The following CDK14 variants were observed in gnomAD, a reference collection of about 807,000 sequenced individuals.
CDK14 encodes the protein cyclin-dependent kinase 14.
A neutral mutation model predicts 60.7 loss-of-function variants in CDK14; 34 were observed. The ratio of observed to expected loss-of-function variants is 0.56; its 90% confidence interval spans 0.43 to 0.75. CDK14 has a LOEUF of 0.75. Ranked by LOEUF, CDK14 falls within the 30% of genes least tolerant of loss-of-function variation. The pLI is 0.00. For missense variants in CDK14, 482 were observed against 564.1 expected (o/e 0.85, Z 1.47); for synonymous variants, 197 against 203.7 (o/e 0.97, Z 0.28).
At chr7:90,750,625 C>A (rs1023285373) in intron 4 of CDK14, among the ~76,000 whole-genome samples, 8 of 152,312 alleles carry the variant, frequency 5.3e-5, no homozygotes, top group African/African-American at 1.4e-4. Context: ...GTAATCCCAG[C>A]ACTTTGGGAG....
chr7:90,875,541 T>A (rs1349726963), intron 6 of CDK14, among the ~76,000 whole-genome samples: 1 of 152,178 alleles, frequency 6.6e-6, no homozygotes, highest in East Asian at 1.9e-4. Context: ...TTTTTTTTAT[T>A]ATATTGGATG....
At position 91,201,620 on chromosome 7, in the gene CDK14, C is replaced by G. The variant is rs1353705944; in HGVS notation, c.*29-5545C>G. Among the ~76,000 whole-genome samples the G allele has an allele frequency of 1.3e-5, 2 of 152,054 alleles. 1 individual carries two copies. Among genetic ancestry groups the G allele is most frequent in the South Asian group, 4.2e-4 (2 of 4,818 alleles). On this transcript the variant is annotated intron_variant, in intron 14 of 14. Coordinates refer to ENST00000380050, the MANE Select transcript of CDK14 (RefSeq NM_001287135.2). Reference sequence around the variant, plus strand: ...TGAAACACAGACCACCTGATCACATCGAAGCACACTGAGTGGGGGTCCTCA... The same window carrying G: ...TGAAACACAGACCACCTGATCACATGGAAGCACACTGAGTGGGGGTCCTCA...
At chr7:90,628,220 G>T (rs748649261) in intron 2 of CDK14, among the ~76,000 whole-genome samples, 1 of 152,172 alleles carries the variant, frequency 6.6e-6, no homozygotes, top group Non-Finnish European at 1.5e-5. Flanking sequence ...GCCTCCCAAA[G>T]TGTTGGGATT....
intron 12 of CDK14, among the ~76,000 whole-genome samples, chr7:91,098,814 G>A (rs1047147087): frequency 2.0e-5 from 3 of 152,122 alleles, no homozygotes; most frequent in Non-Finnish European, 4.4e-5. Context: ...CATTCTTCCT[G>A]TAGGAGTCAG....
rs555302875 is a variant in CDK14 at position 90,772,042 on chromosome 7, T to G, written c.465-18531T>G. ...ACAGATGGACTTTTGGGATAGAGAT[T>G]TGTTGTCAGGACATGGAGGGTCTTC... is the stretch of plus-strand genomic sequence containing the variant. On this transcript the variant is annotated intron_variant, in intron 4 of 14. Transcript: ENST00000380050. Among the ~76,000 whole-genome samples, 8 of 152,330 alleles carry G rather than the reference T, an allele frequency of 5.3e-5. No homozygotes were observed. In the South Asian group the frequency reaches 1.7e-3, roughly 32 times the overall value.
intron 10 of CDK14, among the ~76,000 whole-genome samples, chr7:90,995,013 C>G (rs1361927461): frequency 1.3e-5 from 2 of 152,208 alleles, no homozygotes; most frequent in Admixed American, 6.5e-5. Context: ...TGAGCAGCAT[C>G]TAAGATGGCT....
intron 11 of CDK14, among the ~76,000 whole-genome samples, chr7:91,070,719 A>G (rs1798114880): frequency 6.6e-6 from 1 of 152,126 alleles, no homozygotes; most frequent in Admixed American, 6.6e-5. Context: ...TGATTATGCC[A>G]TTGCACTCCA....
At chr7:91,163,655 G>C (rs1447566109) in intron 14 of CDK14, among the ~76,000 whole-genome samples, 1 of 152,054 alleles carries the variant, frequency 6.6e-6, no homozygotes, top group Non-Finnish European at 1.5e-5. Flanking sequence ...ACATAATACA[G>C]TATTATTGAC....
intron 1 of CDK14, among the ~76,000 whole-genome samples, chr7:90,598,879 T>C (rs1310458991): frequency 1.3e-5 from 2 of 150,626 alleles, no homozygotes; most frequent in African/African-American, 4.9e-5. Flanking sequence ...TAATTTTTTG[T>C]ATTTTTAGTA....
intron 3 of CDK14, among the ~76,000 whole-genome samples, chr7:90,733,444 T>C (rs976197406): frequency 6.6e-6 from 1 of 152,142 alleles, no homozygotes; most frequent in Non-Finnish European, 1.5e-5. Flanking sequence ...CTACTATTGT[T>C]TGGGAGTCTA....
chr7:90,989,931 A>G (rs1215723420), intron 10 of CDK14, among the ~76,000 whole-genome samples: 1 of 152,196 alleles, frequency 6.6e-6, no homozygotes, highest in Non-Finnish European at 1.5e-5. Context: ...ATTAAGCACT[A>G]AAGAAAGTAT....
intron 7 of CDK14, among the ~76,000 whole-genome samples, chr7:90,913,665 G>A (rs1792981484): frequency 6.6e-6 from 1 of 152,106 alleles, no homozygotes; most frequent in Admixed American, 6.5e-5. Flanking sequence ...ACGTCTGTTG[G>A]GCCTGCAGAG....
chr7:90,835,327 A>G (rs185777934), intron 5 of CDK14, among the ~76,000 whole-genome samples: 3 of 152,174 alleles, frequency 2.0e-5, no homozygotes, highest in Admixed American at 1.3e-4. Flanking sequence ...ACTTGAAGTC[A>G]AGGGAGAATT....
rs576096850 is a variant in CDK14 at position 90,787,609 on chromosome 7, A to G, written c.465-2964A>G. 1.1e-4 allele frequency among the ~76,000 whole-genome samples: 16 copies of G among 152,330 alleles called. No homozygotes were observed. In the East Asian group the frequency reaches 2.7e-3, roughly 26 times the overall value. On this transcript the variant is annotated intron_variant, in intron 4 of 14. Coordinates refer to ENST00000380050, the MANE Select transcript of CDK14 (RefSeq NM_001287135.2). ...ACCCAGTGAAATCTACTCTGTGCCA[A>G]GAAGGTCCTAGATACTGAGCACATA...
At chr7:90,759,193 C>G (rs1474449981) in intron 4 of CDK14, among the ~76,000 whole-genome samples, 1 of 152,084 alleles carries the variant, frequency 6.6e-6, no homozygotes, top group African/African-American at 2.4e-5. Flanking sequence ...AGTTTAGAAG[C>G]CACATCTTTG....
rs893311940 is a variant in CDK14, at chr7:90,809,728, CTAAT to C, written c.544+19077_544+19080del. 1.6e-4 allele frequency among the ~76,000 whole-genome samples: 24 copies of C among 151,978 alleles called. No homozygotes were observed. In the Middle Eastern group the frequency reaches 0.014, roughly 87 times the overall value. On this transcript the variant is annotated intron_variant, in intron 5 of 14. Transcript: ENST00000380050. Reference sequence around the variant, plus strand: ...CAAAATTGATAGACCGCTAGTAAGACTAATAAAGAAGAAAAGAGAGAAGAATCAA... The same window carrying C: ...CAAAATTGATAGACCGCTAGTAAGACAAAGAAGAAAAGAGAGAAGAATCAA...
chr7:90,772,857 AT>A (rs1429385658), intron 4 of CDK14, among the ~76,000 whole-genome samples: 3 of 152,220 alleles, frequency 2.0e-5, no homozygotes, highest in African/African-American at 7.2e-5. Context: ...ATGACCAATT[AT>A]TAAAGTTCTG....
rs972125763 is a variant in CDK14 at position 90,930,668 on chromosome 7, A to T, written c.826+12944A>T. Among the ~76,000 whole-genome samples the T allele has an allele frequency of 1.1e-4, 17 of 151,814 alleles. 1 individual carries two copies. Among genetic ancestry groups the T allele is most frequent in the African/African-American group, 4.1e-4 (17 of 41,262 alleles). ...ATCATAGAAATGTTTGATCTGCAGC[A>T]CTTGACATTAGATTGCTTTTAGGAA... On this transcript the variant is annotated intron_variant, in intron 8 of 14. Transcript: ENST00000380050.
intron 4 of CDK14, among the ~76,000 whole-genome samples, chr7:90,760,447 A>G (rs2116857765): frequency 6.6e-6 from 1 of 152,304 alleles, no homozygotes; most frequent in East Asian, 1.9e-4. Context: ...TGACACCTAG[A>G]CTGTCATGTG....
Sources: gnomAD v4.1 joint callset for allele counts (sites outside exome capture counted in the v4.1 genomes callset) on GRCh38, gnomAD v4.1.1 for gene constraint, MANE v1.5 for transcripts, NCBI Gene and HGNC (gene_info 2026-07-23, HGNC 2026-07-21) for gene names.